The following PEAK1 variants were observed in gnomAD, a reference collection of about 807,000 sequenced individuals.
The protein encoded by PEAK1 is pseudopodium enriched atypical kinase 1.
Under a neutral mutation model 124.7 loss-of-function variants are expected in PEAK1, and 54 were observed. The observed-to-expected ratio is 0.43, with a 90% CI of 0.35 to 0.54. PEAK1 has a LOEUF of 0.54. PEAK1 is among the 20% of genes least tolerant of loss of function. The probability of loss-of-function intolerance (pLI) is 0.01; values close to 1 mark genes in which losing one functional copy is unlikely to be tolerated. For synonymous variants in PEAK1, 719 were observed against 760.0 expected, an observed-to-expected ratio of 0.95 and a Z score of 0.89; for missense variants, 2,046 against 2,134.5, an observed-to-expected ratio of 0.96 and a Z score of 0.82.
intron 1 of PEAK1, among the ~76,000 whole-genome samples, chr15:77,405,555 G>GA (rs2071749208): frequency 6.6e-6 from 1 of 152,098 alleles, no homozygotes; most frequent in Non-Finnish European, 1.5e-5. Flanking sequence ...AAAAAGGACA[G>GA]AAAAAATTAG....
intron 2 of PEAK1, chr15:77,345,702 C>T (rs1470100785): frequency 1.7e-5 from 3 of 172,202 alleles, no homozygotes; most frequent in African/African-American, 7.2e-5. Context: ...GAGTTAACAA[C>T]AATTTACTGT....
intron 7 of PEAK1, among the ~76,000 whole-genome samples, chr15:77,162,430 G>A (rs889353730): frequency 1.4e-5 from 2 of 146,254 alleles, no homozygotes; most frequent in Non-Finnish European, 3.0e-5. Flanking sequence ...GGAGGCAGAG[G>A]TTGCAGTGAG....
chr15:77,215,707 A>G (rs2059120028), intron 6 of PEAK1, among the ~76,000 whole-genome samples: 1 of 152,178 alleles, frequency 6.6e-6, no homozygotes, highest in Admixed American at 6.5e-5. Flanking sequence ...CATTTAAACG[A>G]TAACTTCTTT....
intron 9 of PEAK1, among the ~76,000 whole-genome samples, chr15:77,119,027 C>G (rs1294902353): frequency 1.3e-5 from 2 of 152,234 alleles, no homozygotes; most frequent in African/African-American, 4.8e-5. Flanking sequence ...ATAAACTGTG[C>G]AGCAGGAGAA....
chr15:77,294,798 T>G (rs545727955), intron 2 of PEAK1, among the ~76,000 whole-genome samples: 3 of 149,514 alleles, frequency 2.0e-5, no homozygotes, highest in South Asian at 4.3e-4. Context: ...AACTTGATCT[T>G]TTTTCTTTCA....
chr15:77,387,942 G>C (rs1457664700), intron 1 of PEAK1, among the ~76,000 whole-genome samples: 1 of 152,206 alleles, frequency 6.6e-6, no homozygotes, highest in African/African-American at 2.4e-5. Context: ...AGTCAGAGGA[G>C]AGTTGGTTAG....
chr15:77,403,461 G>C lies in PEAK1; in HGVS notation c.-666+16545C>G, dbSNP rs949972976. 1.3e-5 allele frequency: 12 copies of C among 932,048 alleles called. No homozygotes were observed. The Admixed American group carries it at 4.9e-4, about 38-fold the overall frequency. The allele number at this position is 932,048 out of a possible 1,614,324, so 57.7% of individuals were successfully genotyped here. On this transcript the variant is annotated intron_variant, in intron 1 of 9. Transcript: ENST00000682557. ...ATTGTAAGGGTAAATAATTATTAAA[G>C]AGTTCTCATATTCCAGTAAAGAACT...
intron 9 of PEAK1, among the ~76,000 whole-genome samples, chr15:77,131,437 G>A (rs983591739): frequency 1.1e-4 from 16 of 152,328 alleles, no homozygotes; most frequent in East Asian, 1.9e-4. Flanking sequence ...AGGTTGCTGT[G>A]AGCCAAGATC....
At chr15:77,326,194 C>T (rs912502439) in intron 2 of PEAK1, among the ~76,000 whole-genome samples, 3 of 152,086 alleles carry the variant, frequency 2.0e-5, no homozygotes, top group Non-Finnish European at 4.4e-5. Flanking sequence ...CCCCAACACA[C>T]AGATTCATCT....
chr15:77,407,416 A>G (rs1034952322), intron 1 of PEAK1, among the ~76,000 whole-genome samples: 5 of 152,156 alleles, frequency 3.3e-5, no homozygotes, highest in Admixed American at 2.6e-4. Flanking sequence ...ACTCAAACAA[A>G]TCAGCAAGAA....
At chr15:77,219,993 T>C (rs1459201801) in intron 6 of PEAK1, among the ~76,000 whole-genome samples, 1 of 152,134 alleles carries the variant, frequency 6.6e-6, no homozygotes, top group South Asian at 2.1e-4. Flanking sequence ...TTGAGAAGCA[T>C]GCAGACATCA....
intron 9 of PEAK1, among the ~76,000 whole-genome samples, chr15:77,124,469 G>A (rs2052201503): frequency 6.6e-6 from 1 of 152,130 alleles, no homozygotes; most frequent in African/African-American, 2.4e-5. Flanking sequence ...TTCAACTAAT[G>A]GCATCACCAT....
intron 2 of PEAK1, among the ~76,000 whole-genome samples, chr15:77,324,172 A>G (rs1274655147): frequency 6.6e-6 from 1 of 152,196 alleles, no homozygotes; most frequent in Non-Finnish European, 1.5e-5. Flanking sequence ...TGCTGAGTGA[A>G]TGCATTATTA....
At chr15:77,274,345 A>G (rs2062195680) in intron 5 of PEAK1, among the ~76,000 whole-genome samples, 1 of 152,192 alleles carries the variant, frequency 6.6e-6, no homozygotes, top group Non-Finnish European at 1.5e-5. Context: ...GACAACCCAC[A>G]GAGTGGGAGA....
At chr15:77,332,873 G>T in intron 2 of PEAK1, 1 of 179,040 alleles carries the variant, frequency 5.6e-6, no homozygotes, top group Non-Finnish European at 1.1e-5. Context: ...GTACCTTATT[G>T]TTTTATTATC....
chr15:77,367,454 C>T (rs1001198140), intron 1 of PEAK1, among the ~76,000 whole-genome samples: 1 of 152,110 alleles, frequency 6.6e-6, no homozygotes, highest in African/African-American at 2.4e-5. Context: ...TTGATTATGG[C>T]GGTTGTCAAC....
intron 2 of PEAK1, among the ~76,000 whole-genome samples, chr15:77,292,258 A>G (rs555910720): frequency 1.7e-4 from 26 of 152,284 alleles, no homozygotes; most frequent in African/African-American, 2.4e-5. Context: ...TTCATCAACT[A>G]GCCAACACAT....
intron 1 of PEAK1, among the ~76,000 whole-genome samples, chr15:77,387,223 A>G (rs754361452): frequency 3.9e-4 from 60 of 152,182 alleles, no homozygotes; most frequent in Non-Finnish European, 7.1e-4. Flanking sequence ...AAGTTATTAA[A>G]TTCTCTCTTC....
chr15:77,167,697 T>C (rs1192364986), intron 7 of PEAK1, among the ~76,000 whole-genome samples: 2 of 152,226 alleles, frequency 1.3e-5, no homozygotes, highest in African/African-American at 2.4e-5. Flanking sequence ...AAGACAACTT[T>C]GATAGGATTC....
Sources: gnomAD v4.1 joint callset for allele counts (sites outside exome capture counted in the v4.1 genomes callset) on GRCh38, gnomAD v4.1.1 for gene constraint, MANE v1.5 for transcripts, NCBI Gene and HGNC (gene_info 2026-07-23, HGNC 2026-07-21) for gene names.